Variants in SCYL2 observed in about 807,000 individuals in gnomAD.
SCYL2 encodes SCY1-like protein 2.
Under a neutral mutation model 100.4 loss-of-function variants are expected in SCYL2, and 36 were observed. That is an observed-to-expected ratio of 0.36 (90% CI 0.27 to 0.47). SCYL2 has a LOEUF of 0.47. SCYL2 is among the 20% of genes least tolerant of loss of function. The pLI is 1.00. For missense variants in SCYL2, 902 were observed against 1,083.9 expected, an observed-to-expected ratio of 0.83 and a Z score of 2.36; for synonymous variants, 330 against 359.2, an observed-to-expected ratio of 0.92 and a Z score of 0.92.
chr12:100,270,100 C>A (rs1255982932), intron 1 of SCYL2, among the ~76,000 whole-genome samples: 2 of 151,890 alleles, frequency 1.3e-5, no homozygotes, highest in African/African-American at 4.8e-5. Context: ...CATTCTCCTG[C>A]CTCAGCCTCC....
At chr12:100,294,147 C>T (rs1213383985) in intron 3 of SCYL2, among the ~76,000 whole-genome samples, 47 of 145,980 alleles carry the variant, frequency 3.2e-4, no homozygotes, top group Non-Finnish European at 5.3e-4. Flanking sequence ...GGCGGCTGGC[C>T]GGGCGGGGGG....
At chr12:100,327,226 A>G (rs776168620) in intron 12 of SCYL2, 2 of 376,106 alleles carry the variant, frequency 5.3e-6, no homozygotes, top group African/African-American at 2.1e-5. Context: ...ATTCAAGATC[A>G]TATAAGTGGT....
intron 4 of SCYL2, among the ~76,000 whole-genome samples, chr12:100,310,466 G>A: frequency 6.6e-6 from 1 of 152,188 alleles, no homozygotes; most frequent in East Asian, 1.9e-4. Context: ...CTGGAAGTCA[G>A]TGTGCATTGG....
intron 14 of SCYL2, among the ~76,000 whole-genome samples, chr12:100,335,043 G>T (rs1388548136): frequency 6.6e-6 from 1 of 152,022 alleles, no homozygotes; most frequent in African/African-American, 2.4e-5. Context: ...TTGTATGCTT[G>T]AAGTATTCTA....
chr12:100,340,965 A>G lies in SCYL2; in HGVS notation c.*1793A>G, dbSNP rs1362079000. The G allele has an allele frequency of 6.6e-6, 1 of 152,110 alleles. No individual in the cohort carries two copies. Among genetic ancestry groups the G allele is most frequent in the Non-Finnish European group, 1.5e-5 (1 of 67,944 alleles). The allele number at this position is 152,110 out of a possible 1,614,324, so 9.4% of individuals were successfully genotyped here. On this transcript the variant is annotated 3_prime_UTR_variant, in exon 18 of 18. Transcript: ENST00000360820. ...TTTTCTTTGTAACAATTTAGTAGTC[A>G]CTGTTTATTGAGAAATTGTTTTTTA...
chr12:100,319,072 A>AT (rs1367089249), intron 10 of SCYL2, among the ~76,000 whole-genome samples: 4 of 152,322 alleles, frequency 2.6e-5, no homozygotes, highest in South Asian at 4.2e-4. Flanking sequence ...ATAAAATAGG[A>AT]TTTTTTTAAG....
Position 100,338,613 on chromosome 12 carries a change from G to T in SCYL2, c.2231G>T (p.Ser744Ile), listed in dbSNP as rs118069791. 3.1e-6 allele frequency: 5 copies of T among 1,613,914 alleles called. No individual in the cohort carries two copies. In the East Asian group the frequency reaches 8.9e-5, roughly 29 times the overall value. Residue 744 changes from serine (S) to isoleucine (I), a missense_variant, in exon 18 of 18, where the codon AGT (serine) becomes ATT (isoleucine). Ser to Ile is a moderately radical substitution (Grantham distance 142). Coordinates refer to ENST00000360820, the MANE Select transcript of SCYL2 (RefSeq NM_017988.6). Reference sequence around the variant, plus strand: ...AGTACCCCTAAATCTTCTGCTTCAAGTACTTTCACTTCTGTTCCTTCCATG... The same window carrying T: ...AGTACCCCTAAATCTTCTGCTTCAATTACTTTCACTTCTGTTCCTTCCATG... ...SVSTPKSSAS[S>I]TFTSVPSMGI... is the part of the protein sequence containing the mutation.
intron 4 of SCYL2, among the ~76,000 whole-genome samples, chr12:100,300,499 A>G (rs2096326307): frequency 6.6e-6 from 1 of 152,142 alleles, no homozygotes; most frequent in Admixed American, 6.5e-5. Flanking sequence ...ACAATCCATT[A>G]TACTCCTTTA....
rs1483486544 is a variant in SCYL2, at chr12:100,311,102, C to T, written c.539C>T (p.Thr180Ile). Residue 180 changes from threonine to isoleucine, a missense_variant, in exon 5 of 18, where the codon ACT becomes ATT. Physicochemically the swap from Thr to Ile is moderately conservative, Grantham distance 89 (BLOSUM62 -1). Coordinates refer to ENST00000360820, the MANE Select transcript of SCYL2 (RefSeq NM_017988.6). ...GTGAAAATGGTGCATGGAAATATCA[C>T]TCCTGAAAATATAATTTTGAATAAA... ...SSVKMVHGNITPENIILNKSG... is the reference protein window; with the variant it reads ...SSVKMVHGNIIPENIILNKSG... 1.9e-6 allele frequency: 3 copies of T among 1,606,186 alleles called. No homozygotes were observed. Among genetic ancestry groups the T allele is most frequent in the Admixed American group, 3.4e-5 (2 of 58,662 alleles).
intron 3 of SCYL2, among the ~76,000 whole-genome samples, chr12:100,295,637 G>A (rs1228233098): frequency 1.3e-5 from 2 of 152,156 alleles, no homozygotes; most frequent in Non-Finnish European, 2.9e-5. Flanking sequence ...GCAGTGAGCC[G>A]AGATGGCAGC....
At chr12:100,318,529 G>A (rs934482072) in intron 10 of SCYL2, among the ~76,000 whole-genome samples, 8 of 151,824 alleles carry the variant, frequency 5.3e-5, no homozygotes, top group Non-Finnish European at 1.2e-4. Context: ...ACAGGGTTTC[G>A]CCATTTTGGC....
intron 1 of SCYL2, among the ~76,000 whole-genome samples, chr12:100,278,681 G>A (rs922014324): frequency 2.7e-5 from 4 of 148,074 alleles, no homozygotes; most frequent in African/African-American, 1.0e-4. Context: ...CCAAGCTGGA[G>A]TGCAGTGGCG....
Position 100,340,065 on chromosome 12 carries a change from A to T in SCYL2, c.*893A>T, listed in dbSNP as rs1013682594. On this transcript the variant is annotated 3_prime_UTR_variant, in exon 18 of 18. Transcript: ENST00000360820. ...TTCAAAAGAAGATTTGTAAGAATTA[A>T]ACTATATTTATGAGTAAACTTTTGA... 1 of 152,610 alleles carries T rather than the reference A, an allele frequency of 6.6e-6. No individual in the cohort carries two copies. Among genetic ancestry groups the T allele is most frequent in the South Asian group, 2.1e-4 (1 of 4,832 alleles). 9.5% of individuals were successfully genotyped at this position (152,610 alleles called of 1,614,324 possible).
At chr12:100,294,740 T>C (rs866930268) in intron 3 of SCYL2, among the ~76,000 whole-genome samples, 34 of 61,460 alleles carry the variant, frequency 5.5e-4, no homozygotes, top group African/African-American at 1.4e-3. Context: ...GCTGGCCGGG[T>C]GGGGGGCTGA....
intron 1 of SCYL2, among the ~76,000 whole-genome samples, chr12:100,269,545 G>A (rs183784934): frequency 3.3e-3 from 495 of 152,160 alleles, no homozygotes; most frequent in Non-Finnish European, 5.6e-3. Context: ...TACTGAATGG[G>A]CCAAGAATTG....
chr12:100,317,809 T>C lies in SCYL2; in HGVS notation c.1279T>C (p.Leu427=), dbSNP rs2096350734. The C allele has an allele frequency of 1.9e-6, 3 of 1,597,160 alleles. No individual in the cohort carries two copies. Among genetic ancestry groups the C allele is most frequent in the African/African-American group, 1.4e-5 (1 of 73,970 alleles). ...GTTTCCGTTTTCTAAACAGATTTTG[T>C]TAATTTTCCTACAAAAAATGGATTT... ...FKQQEPIQIL[L]IFLQKMDLLL... Residue 427 remains leucine (L), a synonymous_variant, in exon 10 of 18, where the codon TTA becomes CTA. Transcript: ENST00000360820.
rs577107044 is a variant in SCYL2 at position 100,313,674 on chromosome 12, A to G, written c.969+136A>G. ...ATTAAGTTCTTCTAAAGCAACAGTC[A>G]GATACAGCCCCAAATAACATCTGTA... On this transcript the variant is annotated intron_variant, in intron 7 of 17. Coordinates refer to ENST00000360820, the MANE Select transcript of SCYL2 (RefSeq NM_017988.6). 11 of 580,548 alleles carry G rather than the reference A, an allele frequency of 1.9e-5. No individual in the cohort carries two copies. In the South Asian group the frequency reaches 2.4e-4, roughly 13 times the overall value. 36.0% of individuals were successfully genotyped at this position (580,548 alleles called of 1,614,324 possible).
rs749628199 is a variant in SCYL2, at chr12:100,323,525, G to A, written c.1396G>A (p.Glu466Lys). The A allele has an allele frequency of 3.3e-6, 5 of 1,521,714 alleles. No individual in the cohort carries two copies. Among genetic ancestry groups the A allele is most frequent in the Non-Finnish European group, 4.5e-6 (5 of 1,104,408 alleles). 94.3% of individuals were successfully genotyped at this position (1,521,714 alleles called of 1,614,324 possible). Residue 466 changes from glutamate to lysine, a missense_variant and splice_region_variant, in exon 11 of 18, where the codon GAG becomes AAG. Physicochemically the swap from Glu to Lys is moderately conservative, Grantham distance 56. Coordinates refer to ENST00000360820, the MANE Select transcript of SCYL2 (RefSeq NM_017988.6). ...TTGATTCAGTTTATTTTCTTTATAGGAGCTCTGTCTAAACATCATTCCAAC... is the reference window on the plus strand; with the variant it reads ...TTGATTCAGTTTATTTTCTTTATAGAAGCTCTGTCTAAACATCATTCCAAC... ...ALEAPSIQIQ[E>K]LCLNIIPTFA...
At position 100,323,578 on chromosome 12, in the gene SCYL2, C is replaced by T. The variant is rs751268822; in HGVS notation, c.1449C>T (p.Ser483=). The T allele has an allele frequency of 1.6e-5, 25 of 1,606,998 alleles. 1 individual carries two copies. The South Asian group carries it at 2.8e-4, about 18-fold the overall frequency. Reference sequence around the variant, plus strand: ...TTGCAAATCTTATAGACTACCCATCCATGAAAAACGCTTTGATACCAAGAA... The same window carrying T: ...TTGCAAATCTTATAGACTACCCATCTATGAAAAACGCTTTGATACCAAGAA... ...PTFANLIDYP[S]MKNALIPRIK... Residue 483 remains serine, a synonymous_variant, in exon 11 of 18, where the codon TCC becomes TCT. Transcript: ENST00000360820.
Sources: gnomAD v4.1 joint callset for allele counts (sites outside exome capture counted in the v4.1 genomes callset) on GRCh38, gnomAD v4.1.1 for gene constraint, MANE v1.5 for transcripts, NCBI Gene and HGNC (gene_info 2026-07-23, HGNC 2026-07-21) for gene names.